The following GPR155 variants were observed in gnomAD, a reference collection of about 807,000 sequenced individuals.
The protein encoded by GPR155 is lysosomal cholesterol signaling protein.
In GPR155, 65 loss-of-function variants were observed where a neutral mutation model predicts 93.1. The observed-to-expected ratio is 0.70, with a 90% CI of 0.57 to 0.86. The LOEUF (loss-of-function observed/expected upper bound fraction) is 0.86, where lower values mean the gene tolerates loss of function less well. Among genes scored for constraint, GPR155 ranks in the 40% least tolerant of loss-of-function variants. The pLI is 0.00. For synonymous variants in GPR155, 319 were observed against 360.1 expected, an observed-to-expected ratio of 0.89 and a Z score of 1.29; for missense variants, 838 against 1,034.8, an observed-to-expected ratio of 0.81 and a Z score of 2.61.
At chr2:174,469,331 G>A (rs1687928439) in intron 4 of GPR155, among the ~76,000 whole-genome samples, 1 of 151,986 alleles carries the variant, frequency 6.6e-6, no homozygotes, top group African/African-American at 2.4e-5. Context: ...TACTGTTGAT[G>A]GTTAGTTATC....
intron 3 of GPR155, 106 bp downstream of exon 3, chr2:174,472,859 G>T (rs1173947619): frequency 1.2e-6 from 1 of 815,528 alleles, no homozygotes; most frequent in Non-Finnish European, 2.0e-6. Context: ...ACAAGGAGGG[G>T]TTATTAATAT....
chr2:174,471,116 G>T (rs1056576024), intron 3 of GPR155, among the ~76,000 whole-genome samples: 4 of 151,950 alleles, frequency 2.6e-5, no homozygotes, highest in African/African-American at 7.2e-5. Flanking sequence ...CTGCCGGCAT[G>T]GTGGCTCAAG....
At chr2:174,445,402 C>G (rs1687091699) in intron 12 of GPR155, 5 of 389,346 alleles carry the variant, frequency 1.3e-5, no homozygotes, top group Non-Finnish European at 9.2e-6. Flanking sequence ...AGATTTGAAG[C>G]AAGAAGACAT....
intron 7 of GPR155, among the ~76,000 whole-genome samples, chr2:174,464,014 T>C (rs1687772129): frequency 1.3e-5 from 2 of 152,206 alleles, no homozygotes. Flanking sequence ...GCCATCTTTG[T>C]TACAGTAGCA....
intron 1 of GPR155, among the ~76,000 whole-genome samples, chr2:174,486,430 C>T (rs761715102): frequency 5.9e-5 from 9 of 152,158 alleles, no homozygotes; most frequent in Non-Finnish European, 1.3e-4. Context: ...TCCCAGGGCA[C>T]GGGAGTCACA....
Position 174,446,750 on chromosome 2 carries a change from A to C in GPR155, c.1877-3T>G. 6.2e-7 allele frequency: 1 copy of C among 1,612,358 alleles called. No individual in the cohort carries two copies. The highest frequency in any genetic ancestry group is 8.5e-7 in the Non-Finnish European group (1 of 1,179,406). On this transcript the variant is annotated splice_polypyrimidine_tract_variant and splice_region_variant and intron_variant, in intron 11 of 15. Transcript: ENST00000392552. ...ACAGCGACTCACACAATGATTGTCT[A>C]TAAAAGAGTAAGCACAACAATTTGT...
At chr2:174,461,565 C>G in intron 8 of GPR155, 23 bp downstream of exon 8, 1 of 1,571,530 alleles carries the variant, frequency 6.4e-7, no homozygotes, top group South Asian at 1.1e-5. Context: ...AAGGTGTAAG[C>G]AAACAGAGAA....
At chr2:174,470,240 G>A in intron 4 of GPR155, 150 bp downstream of exon 4, 2 of 618,120 alleles carry the variant, frequency 3.2e-6, no homozygotes, top group Non-Finnish European at 5.4e-6. Flanking sequence ...CAGAAGGCAG[G>A]AGTTTGAAAC....
chr2:174,481,287 G>T (rs1261146297), intron 2 of GPR155, among the ~76,000 whole-genome samples: 4 of 152,084 alleles, frequency 2.6e-5, no homozygotes, highest in Non-Finnish European at 5.9e-5. Context: ...TGTTCACAGT[G>T]GTTATTAGAA....
intron 15 of GPR155, among the ~76,000 whole-genome samples, chr2:174,438,831 A>C (rs1393707601): frequency 6.6e-6 from 1 of 152,218 alleles, no homozygotes; most frequent in South Asian, 2.1e-4. Context: ...TAAATTGTCG[A>C]AACTATTCAT....
intron 1 of GPR155, among the ~76,000 whole-genome samples, chr2:174,483,483 C>G (rs913021795): frequency 1.3e-5 from 2 of 152,282 alleles, no homozygotes; most frequent in Admixed American, 6.5e-5. Flanking sequence ...TATCAGACCC[C>G]CTCTTGCTGC....
At chr2:174,439,244 A>G in intron 15 of GPR155, among the ~76,000 whole-genome samples, 1 of 152,184 alleles carries the variant, frequency 6.6e-6, no homozygotes, top group Admixed American at 6.5e-5. Flanking sequence ...GGTTCTTTAT[A>G]TTTTGTTTTG....
In GPR155 at chr2:174,436,316, A is replaced by G; in HGVS notation, c.2413T>C (p.Tyr805His). The change falls in exon 16 of 16, where the codon TAC (tyrosine) becomes CAC (histidine). Residue 805 changes from tyrosine to histidine, a missense_variant. Tyr to His is a moderately conservative substitution (Grantham distance 83). Transcript: ENST00000392552. ...LASDRGEAVI[Y>H]GDRLVQGGVI... ...CCCCCTTGTACCAGCCTGTCTCCGT[A>G]TATCACAGCTTCACCACGGTCGGAG... is the stretch of plus-strand genomic sequence containing the variant. The G allele has an allele frequency of 6.2e-7, 1 of 1,614,150 alleles. No homozygotes were observed. Among genetic ancestry groups the G allele is most frequent in the East Asian group, 2.2e-5 (1 of 44,886 alleles).
In GPR155 at chr2:174,465,921, A is replaced by T. The variant is rs200937952; in HGVS notation, c.1267-19T>A. On this transcript the variant is annotated intron_variant, in intron 6 of 15. Coordinates refer to ENST00000392552, the MANE Select transcript of GPR155 (RefSeq NM_152529.7). ...CAATAGACTAAGGAAAAAATTATTA[A>T]AAGACTTTGTAAATAGCTAAGAAAA... 4.3e-6 allele frequency: 5 copies of T among 1,170,114 alleles called. No individual in the cohort carries two copies. The allele number at this position is 1,170,114 out of a possible 1,614,324, so 72.5% of individuals were successfully genotyped here. A position where few individuals can be genotyped will look rare whatever the true frequency, so the allele number is the denominator to read the frequency against.
intron 2 of GPR155, among the ~76,000 whole-genome samples, chr2:174,476,083 ATTCT>A (rs1054832023): frequency 1.3e-5 from 2 of 152,176 alleles, no homozygotes; most frequent in Non-Finnish European, 2.9e-5. Context: ...CATTCACCAC[ATTCT>A]TTCTTTCTTC....
intron 14 of GPR155, among the ~76,000 whole-genome samples, chr2:174,441,627 G>A (rs986118627): frequency 6.6e-6 from 1 of 151,850 alleles, no homozygotes; most frequent in Non-Finnish European, 1.5e-5. Context: ...GTTCCCCACC[G>A]TGTGTCCAAG....
intron 2 of GPR155, among the ~76,000 whole-genome samples, chr2:174,481,026 C>T (rs1318924314): frequency 6.6e-6 from 1 of 152,094 alleles, no homozygotes. Flanking sequence ...TGATCTGCCC[C>T]CCTCGGCCTC....
intron 11 of GPR155, 69 bp downstream of exon 11, chr2:174,453,660 AAAAAAAAG>A (rs1316535220): frequency 2.6e-5 from 11 of 425,954 alleles, no homozygotes; most frequent in South Asian, 4.1e-5. Context: ...ACTCCGTCTC[AAAAAAAAG>A]AAAAAAAAAA....
chr2:174,473,237 A>G lies in GPR155; in HGVS notation c.588T>C (p.Thr196=), dbSNP rs201836266. 69 of 1,613,874 alleles carry G rather than the reference A, an allele frequency of 4.3e-5. No individual in the cohort carries two copies. The East Asian group carries it at 8.0e-4, about 19-fold the overall frequency. ...TTATTTTATTTTGAGAAGCATTTTGAGTGTCTTTCCACTTTTGGATTTCAC... is the reference window on the plus strand; with the variant it reads ...TTATTTTATTTTGAGAAGCATTTTGGGTGTCTTTCCACTTTTGGATTTCAC... ...IFCEIQKWKD[T]QNASQNKIKI... The change falls in exon 3 of 16, where the codon ACT becomes ACC. Residue 196 remains threonine (T), a synonymous_variant. Transcript: ENST00000392552.
Sources: gnomAD v4.1 joint callset for allele counts (sites outside exome capture counted in the v4.1 genomes callset) on GRCh38, gnomAD v4.1.1 for gene constraint, MANE v1.5 for transcripts, NCBI Gene and HGNC (gene_info 2026-07-23, HGNC 2026-07-21) for gene names.